The following TMEM51 variants were observed in gnomAD, a reference collection of about 807,000 sequenced individuals.
TMEM51 encodes the protein transmembrane protein 51.
Under a neutral mutation model 13.6 loss-of-function variants are expected in TMEM51, and 8 were observed. The ratio of observed to expected loss-of-function variants is 0.59; its 90% CI spans 0.35 to 1.07. TMEM51 has a LOEUF of 1.07. TMEM51 is among the 50% of genes least tolerant of loss of function. The probability of loss-of-function intolerance (pLI) is 0.02; values close to 1 mark genes in which losing one functional copy is unlikely to be tolerated. For missense variants in TMEM51, 279 were observed against 330.7 expected (o/e 0.84, Z 1.21); for synonymous variants, 147 against 144.4 (o/e 1.02, Z -0.13).
rs546240718 is a variant in TMEM51, at chr1:15,207,599, C to T, written c.-266-2891C>T. On this transcript the variant is annotated intron_variant, in intron 1 of 3. Coordinates refer to ENST00000376008, the MANE Select transcript of TMEM51 (RefSeq NM_001136218.2). This position sits in a 1 kb window ranked among gnomAD's most constrained non-coding sequence, Gnocchi z 4.6. ...GCTGGGTCTACCTCCCTGGCCCCGA[C>T]TCCTCCACACCCACTGCACAGCCCC... Among the ~76,000 whole-genome samples, 184 of 152,356 alleles carry T rather than the reference C, an allele frequency of 1.2e-3. No homozygotes were observed. Among genetic ancestry groups the T allele is most frequent in the Middle Eastern group, 6.8e-3 (2 of 294 alleles).
chr1:15,152,615 G>A (rs1642434522), upstream of TMEM51: 1 of 152,254 alleles, frequency 6.6e-6, no homozygotes, highest in Non-Finnish European at 1.5e-5. Flanking sequence ...GACCTCTCTC[G>A]GAATTCAAAA....
At chr1:15,164,222 G>A (rs1198925933) in intron 1 of TMEM51, 6 of 400,386 alleles carry the variant, frequency 1.5e-5, no homozygotes, top group Non-Finnish European at 2.0e-5. Context: ...TTTTGATTTC[G>A]CTGGATTTCC....
chr1:15,218,635 G>A (rs1004775418), intron 3 of TMEM51, among the ~76,000 whole-genome samples: 2 of 152,050 alleles, frequency 1.3e-5, no homozygotes, highest in East Asian at 3.8e-4. Context: ...ATGAGATAAG[G>A]TTTAAAAAAA....
intron 1 of TMEM51, among the ~76,000 whole-genome samples, chr1:15,204,128 G>T (rs1644207306): frequency 6.6e-6 from 1 of 152,196 alleles, no homozygotes; most frequent in South Asian, 2.1e-4. Context: ...AGTCCAGATG[G>T]CACCGAGGTT....
chr1:15,171,157 G>C, intron 1 of TMEM51: 2 of 1,302,002 alleles, frequency 1.5e-6, no homozygotes, highest in Non-Finnish European at 2.0e-6. Context: ...GTCTGAGTGG[G>C]GCCCCAGGAT....
chr1:15,156,482 C>T (rs375491162), intron 1 of TMEM51, among the ~76,000 whole-genome samples: 194 of 152,340 alleles, frequency 1.3e-3, no homozygotes, highest in African/African-American at 4.3e-3. Context: ...GAAGCATTGT[C>T]TCCCTCGGTG....
intron 1 of TMEM51, among the ~76,000 whole-genome samples, chr1:15,172,660 C>T (rs926947917): frequency 4.6e-5 from 7 of 152,312 alleles, no homozygotes; most frequent in Middle Eastern, 3.4e-3. Context: ...AGAGTTCCTC[C>T]TTTTCTATCA....
chr1:15,182,114 T>C (rs1396978006), intron 1 of TMEM51, among the ~76,000 whole-genome samples: 1 of 151,856 alleles, frequency 6.6e-6, no homozygotes, highest in African/African-American at 2.4e-5. Flanking sequence ...TTAGCCGAGA[T>C]TGCGCCATTG....
intron 1 of TMEM51, chr1:15,192,455 C>CCTTTTTTTT (rs3078876): frequency 0.079 from 13,400 of 168,808 alleles, 1,066 homozygotes; most frequent in East Asian, 0.23. Context: ...TCTTTCTTTT[C>CCTTTTTTTT]TTTTCCTTTT....
intron 1 of TMEM51, among the ~76,000 whole-genome samples, chr1:15,178,311 C>T (rs1643511494): frequency 6.6e-6 from 1 of 152,154 alleles, no homozygotes; most frequent in South Asian, 2.1e-4. Context: ...GTCCTCCCAC[C>T]CCACCTGTCT....
chr1:15,208,134 G>A (rs777604541), intron 1 of TMEM51, among the ~76,000 whole-genome samples: 2 of 152,186 alleles, frequency 1.3e-5, no homozygotes, highest in Non-Finnish European at 2.9e-5. Context: ...GGGAGACAGG[G>A]AGCCAACAAG....
intron 1 of TMEM51, among the ~76,000 whole-genome samples, chr1:15,201,674 G>A (rs1250419626): frequency 1.3e-5 from 2 of 152,192 alleles, no homozygotes; most frequent in Non-Finnish European, 2.9e-5. Context: ...CAGGTATAAA[G>A]TGGAGATGAG....
chr1:15,214,982 G>A lies in TMEM51; in HGVS notation c.-106G>A. The A allele has an allele frequency of 9.3e-7, 1 of 1,077,552 alleles. No individual in the cohort carries two copies. Among genetic ancestry groups the A allele is most frequent in the South Asian group, 1.6e-5 (1 of 63,124 alleles). The allele number at this position is 1,077,552 out of a possible 1,614,324, so 66.7% of individuals were successfully genotyped here. The stretch of plus-strand genomic sequence containing the variant: ...GTTCAGCTGATATTTTCTAGTGTGG[G>A]GCGAGAGATTTTGTGGAGCGCATTT... On this transcript the variant is annotated 5_prime_UTR_variant, in exon 3 of 4. Coordinates refer to ENST00000376008, the MANE Select transcript of TMEM51 (RefSeq NM_001136218.2).
chr1:15,172,925 C>CG (rs1282159895), intron 1 of TMEM51, among the ~76,000 whole-genome samples: 1 of 152,126 alleles, frequency 6.6e-6, no homozygotes, highest in Non-Finnish European at 1.5e-5. Flanking sequence ...AAAACGTCGT[C>CG]GTTATGTGTA....
Position 15,192,614 on chromosome 1 carries a change from C to T in TMEM51, c.-266-17876C>T, listed in dbSNP as rs150162047. On this transcript the variant is annotated intron_variant, in intron 1 of 3. Coordinates refer to ENST00000376008, the MANE Select transcript of TMEM51 (RefSeq NM_001136218.2). ...AATTACAGGTGCGCACCAGCACACC[C>T]GGCTACTTTTTGTATTTTTAGTAGA... 4.7e-3 allele frequency: 804 copies of T among 171,888 alleles called. 7 individuals are homozygous for T. The highest frequency in any genetic ancestry group is 0.018 in the African/African-American group (758 of 41,650). 10.6% of individuals were successfully genotyped at this position (171,888 alleles called of 1,614,324 possible).
At chr1:15,173,965 G>A (rs1168664062) in intron 1 of TMEM51, among the ~76,000 whole-genome samples, 1 of 152,322 alleles carries the variant, frequency 6.6e-6, no homozygotes, top group Non-Finnish European at 1.5e-5. Flanking sequence ...GCAGTGCTCC[G>A]GGGCCAGGCC....
Position 15,219,659 on chromosome 1 carries a change from T to C in TMEM51, c.678T>C (p.Pro226=). ...FRINLPDKNV[P]PPSIEPLTPP... ...TCAACCTCCCAGACAAAAACGTCCC[T>C]CCTCCCTCGATAGAGCCTTTGACTC... Residue 226 remains proline, a synonymous_variant, in exon 4 of 4, where the codon CCT becomes CCC. Transcript: ENST00000376008. 6.2e-7 allele frequency: 1 copy of C among 1,613,906 alleles called. No individual in the cohort carries two copies. Among genetic ancestry groups the C allele is most frequent in the Non-Finnish European group, 8.5e-7 (1 of 1,180,006 alleles).
chr1:15,184,182 A>G (rs1278309315), intron 1 of TMEM51, among the ~76,000 whole-genome samples: 1 of 131,228 alleles, frequency 7.6e-6, no homozygotes, highest in East Asian at 2.8e-4. Context: ...GTGCGCCACC[A>G]CACCAGGATA....
At chr1:15,183,931 A>G (rs1172863622) in intron 1 of TMEM51, among the ~76,000 whole-genome samples, 2 of 152,238 alleles carry the variant, frequency 1.3e-5, no homozygotes, top group South Asian at 2.1e-4. Context: ...CATTTCAAAC[A>G]TGAAGGTGCA....
Sources: allele counts gnomAD v4.1 joint callset (sites outside exome capture counted in the v4.1 genomes callset), GRCh38; gene constraint gnomAD v4.1.1; non-coding constraint Gnocchi (gnomAD v3.1); transcripts MANE v1.5; gene names NCBI Gene and HGNC (gene_info 2026-07-23, HGNC 2026-07-21).